ARHGEF28: variants seen among roughly 807,000 people sequenced by gnomAD.
ARHGEF28 encodes the protein 190 kDa guanine nucleotide exchange factor.
Under a neutral mutation model 206.6 loss-of-function variants are expected in ARHGEF28, and 152 were observed. That is an observed-to-expected ratio of 0.74 (90% confidence interval 0.64 to 0.84). The LOEUF (loss-of-function observed/expected upper bound fraction) is 0.84, where lower values mean the gene tolerates loss of function less well. ARHGEF28 is among the 40% of genes least tolerant of loss of function. The pLI is 0.00. For missense variants in ARHGEF28, 2,028 were observed against 2,073.2 expected (o/e 0.98, Z 0.42); for synonymous variants, 763 against 776.4 (o/e 0.98, Z 0.29).
At chr5:73,859,056 G>A (rs1322547951) in intron 16 of ARHGEF28, among the ~76,000 whole-genome samples, 6 of 152,096 alleles carry the variant, frequency 3.9e-5, no homozygotes, top group Non-Finnish European at 2.9e-5. Context: ...AGCTTCTCAG[G>A]CAGCCTTTCC....
intron 33 of ARHGEF28, chr5:73,905,414 GC>G (rs1762496365): frequency 6.6e-6 from 1 of 152,070 alleles, no homozygotes; most frequent in South Asian, 2.1e-4. Context: ...GTGTCCGATG[GC>G]TTAATTTACT....
intron 2 of ARHGEF28, among the ~76,000 whole-genome samples, chr5:73,716,715 G>A (rs190041110): frequency 4.6e-5 from 7 of 152,268 alleles, no homozygotes; most frequent in East Asian, 1.9e-4. Context: ...AGCATTGTCC[G>A]TAGTAATATC....
chr5:73,703,421 A>G (rs1290563776), intron 2 of ARHGEF28, among the ~76,000 whole-genome samples: 6 of 152,100 alleles, frequency 3.9e-5, no homozygotes, highest in Non-Finnish European at 8.8e-5. Context: ...ACAGGACGGC[A>G]CTCAGGTGGA....
At chr5:73,833,931 A>T (rs775907511) in intron 10 of ARHGEF28, among the ~76,000 whole-genome samples, 1 of 152,142 alleles carries the variant, frequency 6.6e-6, no homozygotes, top group Admixed American at 6.5e-5. Context: ...TGCCCTTGAC[A>T]CATGGGAATT....
chr5:73,770,033 G>A (rs1157876498), intron 4 of ARHGEF28, among the ~76,000 whole-genome samples: 4 of 152,192 alleles, frequency 2.6e-5, no homozygotes, highest in African/African-American at 4.8e-5. Flanking sequence ...TTGGCTAATT[G>A]AAAGGTATGG....
intron 1 of ARHGEF28, among the ~76,000 whole-genome samples, chr5:73,658,354 C>T (rs992634665): frequency 6.6e-6 from 1 of 152,096 alleles, no homozygotes; most frequent in African/African-American, 2.4e-5. Context: ...TTAGAATTTC[C>T]AGTGCCAAGC....
Position 73,864,877 on chromosome 5 carries a change from T to C in ARHGEF28, c.2103+5T>C. ...GCTGCGCCTGCATGCACCAAGGTAA[T>C]TGCTCAGTGATCTGTGAATATATAT... On this transcript the variant is annotated splice_donor_5th_base_variant and intron_variant, in intron 17 of 35. Transcript: ENST00000513042. 6.2e-7 allele frequency: 1 copy of C among 1,612,924 alleles called. No individual in the cohort carries two copies. The highest frequency in any genetic ancestry group is 8.5e-7 in the Non-Finnish European group (1 of 1,179,196).
intron 26 of ARHGEF28, among the ~76,000 whole-genome samples, chr5:73,890,404 A>C (rs1334496735): frequency 1.3e-5 from 2 of 152,210 alleles, no homozygotes; most frequent in Non-Finnish European, 2.9e-5. Flanking sequence ...TGCACATTGC[A>C]TCAGGGAAAC....
rs1422686105 is a variant in ARHGEF28 at position 73,634,432 on chromosome 5, C to A, written c.-12+8110C>A. Among the ~76,000 whole-genome samples, 4 of 152,224 alleles carry A rather than the reference C, an allele frequency of 2.6e-5. No individual in the cohort carries two copies. In the East Asian group the frequency reaches 7.7e-4, roughly 29 times the overall value. The stretch of plus-strand genomic sequence containing the variant: ...TCTCAAGTGACTTATTCTTTGGGAG[C>A]ACACACTGGCTCCAAAATGCCACTG... On this transcript the variant is annotated intron_variant, in intron 1 of 35. Transcript: ENST00000513042.
chr5:73,858,014 A>G, intron 15 of ARHGEF28, 73 bp from the exon 16 acceptor site: 3 of 1,534,448 alleles, frequency 2.0e-6, no homozygotes, highest in Non-Finnish European at 2.6e-6. Flanking sequence ...TGATTTCTAT[A>G]AGAAAGTTGG....
chr5:73,825,815 A>G (rs954228991), intron 9 of ARHGEF28, among the ~76,000 whole-genome samples: 1 of 152,138 alleles, frequency 6.6e-6, no homozygotes, highest in African/African-American at 2.4e-5. Flanking sequence ...GGTGGGAATC[A>G]AGAGTTCAGC....
chr5:73,859,636 C>G (rs979382778), intron 16 of ARHGEF28, among the ~76,000 whole-genome samples: 2 of 152,226 alleles, frequency 1.3e-5, no homozygotes, highest in East Asian at 3.8e-4. Flanking sequence ...TAGCATCAGG[C>G]TGCTCAGATG....
chr5:73,840,766 A>G lies in ARHGEF28; in HGVS notation c.1427+6A>G, dbSNP rs1434674353. ...AGTCATCTAAAGAAAAGAAGGTAAG[A>G]GTCTATATTGTAGAGGAAAACTGTA... On this transcript the variant is annotated splice_donor_region_variant and intron_variant, in intron 11 of 35. Transcript: ENST00000513042. 35 of 1,602,696 alleles carry G rather than the reference A, an allele frequency of 2.2e-5. No homozygotes were observed. The highest frequency in any genetic ancestry group is 3.0e-5 in the Non-Finnish European group (35 of 1,173,988).
At chr5:73,933,702 C>A (rs891000539) in intron 35 of ARHGEF28, among the ~76,000 whole-genome samples, 1 of 152,138 alleles carries the variant, frequency 6.6e-6, no homozygotes, top group African/African-American at 2.4e-5. Flanking sequence ...TAATTCAGTG[C>A]CTTTTCTCTC....
chr5:73,850,844 A>G (rs1317403708), intron 13 of ARHGEF28, among the ~76,000 whole-genome samples: 1 of 152,128 alleles, frequency 6.6e-6, no homozygotes, highest in Non-Finnish European at 1.5e-5. Flanking sequence ...CCTTATCTTT[A>G]GACGGTATAT....
Position 73,911,535 on chromosome 5 carries a change from A to G in ARHGEF28, c.4908A>G (p.Ile1636Met). 1 of 1,612,120 alleles carries G rather than the reference A, an allele frequency of 6.2e-7. No individual in the cohort carries two copies. The highest frequency in any genetic ancestry group is 8.5e-7 in the Non-Finnish European group (1 of 1,178,962). The change falls in exon 35 of 36, where the codon ATA (isoleucine) becomes ATG (methionine). Residue 1636 changes from isoleucine (I) to methionine (M), a missense_variant. Ile to Met is a conservative substitution (Grantham distance 10). Transcript: ENST00000513042. ...LWTAAGSGHQ[I>M]LPFHESSKDS... Reference sequence around the variant, plus strand: ...CAGCCGCTGGTTCCGGCCATCAGATACTTCCTTTCCATGAAAGCAGCAAGG... The same window carrying G: ...CAGCCGCTGGTTCCGGCCATCAGATGCTTCCTTTCCATGAAAGCAGCAAGG...
intron 7 of ARHGEF28, among the ~76,000 whole-genome samples, chr5:73,784,381 A>T (rs547875912): frequency 9.9e-4 from 151 of 152,306 alleles, no homozygotes; most frequent in African/African-American, 3.4e-3. Flanking sequence ...TAGTTTTATG[A>T]TTCTAGTTGT....
At chr5:73,869,164 T>C (rs953758712) in intron 20 of ARHGEF28, among the ~76,000 whole-genome samples, 2 of 136,862 alleles carry the variant, frequency 1.5e-5, no homozygotes, top group South Asian at 4.5e-4. Flanking sequence ...GGAACCTCTC[T>C]AATGAGTGCC....
intron 10 of ARHGEF28, among the ~76,000 whole-genome samples, chr5:73,838,649 C>T (rs1452821097): frequency 6.6e-6 from 1 of 152,094 alleles, no homozygotes; most frequent in African/African-American, 2.4e-5. Context: ...GTTATGTGTG[C>T]ATGCAAATAG....
Sources: gnomAD v4.1 joint callset for allele counts (sites outside exome capture counted in the v4.1 genomes callset) on GRCh38, gnomAD v4.1.1 for gene constraint, MANE v1.5 for transcripts, NCBI Gene and HGNC (gene_info 2026-07-23, HGNC 2026-07-21) for gene names.